DLGAP2: variants seen among roughly 807,000 people sequenced by gnomAD.
The protein encoded by DLGAP2 is DLG associated protein 2, also known as disks large-associated protein 2.
In DLGAP2, 26 loss-of-function variants were observed where a neutral mutation model predicts 100.3. The observed-to-expected ratio is 0.26, with a 90% confidence interval of 0.19 to 0.36. The LOEUF (loss-of-function observed/expected upper bound fraction) is 0.36. Among genes scored for constraint, DLGAP2 ranks in the 10% least tolerant of loss-of-function variants. DLGAP2 has a pLI of 1.00. For synonymous variants in DLGAP2, 886 were observed against 630.1 expected (o/e 1.41, Z -6.08); for missense variants, 1,858 against 1,453.2 (o/e 1.28, Z -4.53).
chr8:797,577 C>A (rs1796061944), intron 1 of DLGAP2, among the ~76,000 whole-genome samples: 1 of 152,114 alleles, frequency 6.6e-6, no homozygotes, highest in African/African-American at 2.4e-5. Flanking sequence ...AGGAGAGGAA[C>A]TGCTGGCCAT....
chr8:1,483,891 C>T (rs555577026), intron 3 of DLGAP2, among the ~76,000 whole-genome samples: 13 of 152,332 alleles, frequency 8.5e-5, no homozygotes, highest in Admixed American at 2.0e-4. Flanking sequence ...TAGTTTCAAA[C>T]ATAGCAACAC....
At chr8:770,739 T>C (rs1430931984) in intron 1 of DLGAP2, among the ~76,000 whole-genome samples, 3 of 152,164 alleles carry the variant, frequency 2.0e-5, no homozygotes, top group South Asian at 2.1e-4. Flanking sequence ...TATGCTTGCA[T>C]TGTGAGCCCC....
chr8:1,108,687 G>T (rs1472064275), intron 2 of DLGAP2, among the ~76,000 whole-genome samples: 1 of 132,404 alleles, frequency 7.6e-6, no homozygotes, highest in Non-Finnish European at 1.6e-5. Flanking sequence ...GGTCTGTGAG[G>T]TGTGCATGGG....
At chr8:880,263 C>A (rs1465074632) in intron 1 of DLGAP2, among the ~76,000 whole-genome samples, 2 of 152,206 alleles carry the variant, frequency 1.3e-5, no homozygotes, top group African/African-American at 4.8e-5. Flanking sequence ...TTCTGTGCTT[C>A]TAATATTCTC....
chr8:1,501,921 G>A (rs1030556434), intron 4 of DLGAP2, among the ~76,000 whole-genome samples: 1 of 152,180 alleles, frequency 6.6e-6, no homozygotes, highest in African/African-American at 2.4e-5. Flanking sequence ...CCCGATGCTG[G>A]TTCAAATCAC....
At chr8:1,421,874 G>T (rs368297765) in intron 3 of DLGAP2, among the ~76,000 whole-genome samples, 6 of 152,140 alleles carry the variant, frequency 3.9e-5, no homozygotes, top group Admixed American at 1.3e-4. Context: ...TCTGAGGCAG[G>T]AGAATCACTT....
chr8:1,281,320 C>T (rs1223606773), intron 3 of DLGAP2, among the ~76,000 whole-genome samples: 1 of 152,158 alleles, frequency 6.6e-6, no homozygotes, highest in East Asian at 1.9e-4. Flanking sequence ...GGTGCCTCCG[C>T]CCCTCGCTCC....
At chr8:1,691,261 C>T (rs1279841183) in intron 12 of DLGAP2, among the ~76,000 whole-genome samples, 1 of 152,152 alleles carries the variant, frequency 6.6e-6, no homozygotes, top group Non-Finnish European at 1.5e-5. Flanking sequence ...ATAAGGAAAA[C>T]TCCCTGAGGT....
rs1046334437 is a variant in DLGAP2 at position 1,565,988 on chromosome 8, C to T, written c.1442+94C>T. Reference sequence around the variant, plus strand: ...CACTTCACCGTGAGCTGAGTGCCATCCATTTAAACTAAATTGCCAAGCTGA... The same window carrying T: ...CACTTCACCGTGAGCTGAGTGCCATTCATTTAAACTAAATTGCCAAGCTGA... On this transcript the variant is annotated intron_variant, in intron 6 of 14. Transcript: ENST00000637795. 3.7e-6 allele frequency: 4 copies of T among 1,080,828 alleles called. No homozygotes were observed. The African/African-American group carries it at 4.8e-5, about 13-fold the overall frequency. The allele number at this position is 1,080,828 out of a possible 1,614,324, so 67.0% of individuals were successfully genotyped here. A position where few individuals can be genotyped will look rare whatever the true frequency, so the allele number is the denominator to read the frequency against.
chr8:1,489,285 C>T (rs938751255), intron 3 of DLGAP2, among the ~76,000 whole-genome samples: 1 of 152,214 alleles, frequency 6.6e-6, no homozygotes, highest in Non-Finnish European at 1.5e-5. Flanking sequence ...GCATGTCTTC[C>T]TCACTGTCTG....
intron 2 of DLGAP2, among the ~76,000 whole-genome samples, chr8:917,050 C>G (rs1266128675): frequency 6.6e-6 from 1 of 152,204 alleles, no homozygotes; most frequent in African/African-American, 2.4e-5. Context: ...GCTTGTGGAG[C>G]CACTGCTTTT....
intron 1 of DLGAP2, among the ~76,000 whole-genome samples, chr8:747,562 G>C (rs1820656694): frequency 7.0e-6 from 1 of 142,134 alleles, no homozygotes; most frequent in African/African-American, 2.7e-5. Flanking sequence ...GGGCGGGGGT[G>C]GGGGGCTCTG....
chr8:938,452 G>A (rs1361846293), intron 2 of DLGAP2, among the ~76,000 whole-genome samples: 1 of 152,188 alleles, frequency 6.6e-6, no homozygotes, highest in Non-Finnish European at 1.5e-5. Flanking sequence ...GGACGGAGGT[G>A]AAGAAGAAAG....
At chr8:921,393 G>C (rs1798710919) in intron 2 of DLGAP2, among the ~76,000 whole-genome samples, 1 of 152,184 alleles carries the variant, frequency 6.6e-6, no homozygotes, top group African/African-American at 2.4e-5. Context: ...TGTTGAGTGG[G>C]GATGTGCGTC....
intron 2 of DLGAP2, among the ~76,000 whole-genome samples, chr8:1,073,061 G>A (rs79749963): frequency 1.3e-3 from 203 of 152,146 alleles, no homozygotes; most frequent in Non-Finnish European, 2.3e-3. Flanking sequence ...TTATAGCACC[G>A]TGCTTTACCC....
chr8:1,628,843 G>T (rs1797574691), intron 7 of DLGAP2, among the ~76,000 whole-genome samples: 1 of 152,200 alleles, frequency 6.6e-6, no homozygotes, highest in East Asian at 1.9e-4. Flanking sequence ...GTGGAGTAGG[G>T]ATTATTCTGG....
chr8:1,349,925 A>T (rs1801668999), intron 3 of DLGAP2, among the ~76,000 whole-genome samples: 1 of 152,224 alleles, frequency 6.6e-6, no homozygotes, highest in Non-Finnish European at 1.5e-5. Context: ...ATTTGCCTAT[A>T]TCTCTAGGCA....
intron 3 of DLGAP2, among the ~76,000 whole-genome samples, chr8:1,460,261 G>C (rs1343010380): frequency 2.6e-5 from 4 of 152,194 alleles, no homozygotes; most frequent in Non-Finnish European, 5.9e-5. Flanking sequence ...CATGTTCTCT[G>C]TGTACAAGTG....
intron 1 of DLGAP2, among the ~76,000 whole-genome samples, chr8:903,334 G>C (rs1053350384): frequency 6.6e-6 from 1 of 152,026 alleles, no homozygotes; most frequent in African/African-American, 2.4e-5. Context: ...ACATCAGTTC[G>C]AGAGCAGGGA....
Sources: allele counts gnomAD v4.1 joint callset (sites outside exome capture counted in the v4.1 genomes callset), GRCh38; gene constraint gnomAD v4.1.1; transcripts MANE v1.5; gene names NCBI Gene and HGNC (gene_info 2026-07-23, HGNC 2026-07-21).